DCDC1: variants seen among roughly 807,000 people sequenced by gnomAD.
DCDC1 encodes the protein doublecortin domain containing 1, also known as doublecortin domain-containing protein 1.
A neutral mutation model predicts 178.3 loss-of-function variants in DCDC1; 200 were observed. The observed-to-expected ratio is 1.12, with a 90% CI of 1.00 to 1.26. DCDC1 has a LOEUF of 1.26. Ranked by LOEUF, DCDC1 falls within the 50% of genes most tolerant of loss-of-function variation. The probability of loss-of-function intolerance (pLI) is 0.00; values close to 1 mark genes in which losing one functional copy is unlikely to be tolerated. For synonymous variants in DCDC1, 690 were observed against 604.8 expected (o/e 1.14, Z -2.07); for missense variants, 1,983 against 1,749.2 (o/e 1.13, Z -2.38).
At chr11:31,354,123 T>C (rs1482227054) in intron 1 of DCDC1, among the ~76,000 whole-genome samples, 1 of 152,026 alleles carries the variant, frequency 6.6e-6, no homozygotes, top group Non-Finnish European at 1.5e-5. Flanking sequence ...CTGTCTCTAC[T>C]AAAAATACAA....
chr11:31,348,299 G>C lies in DCDC1; in HGVS notation c.-124-12735C>G, dbSNP rs549346894. On this transcript the variant is annotated intron_variant, in intron 1 of 38. Coordinates refer to ENST00000684477, the MANE Select transcript of DCDC1 (RefSeq NM_001387274.1). ...GAGATGACACAGCAGAGAAAAGCAT[G>C]CATGTGGAAGAAAGACACAAGTGAA... Among the ~76,000 whole-genome samples, 319 of 152,260 alleles carry C rather than the reference G, an allele frequency of 2.1e-3. 2 individuals carry two copies. Among genetic ancestry groups the C allele is most frequent in the African/African-American group, 7.2e-3 (301 of 41,564 alleles).
chr11:31,106,859 A>G lies in DCDC1; in HGVS notation c.1689T>C (p.Ile563=), dbSNP rs371139820. The G allele has an allele frequency of 1.3e-6, 1 of 766,210 alleles. No individual in the cohort carries two copies. Among genetic ancestry groups the G allele is most frequent in the Non-Finnish European group, 2.4e-6 (1 of 417,822 alleles). The allele number at this position is 766,210 out of a possible 1,614,324, so 47.5% of individuals were successfully genotyped here. A position where few individuals can be genotyped will look rare whatever the true frequency, so the allele number is the denominator to read the frequency against. The change falls in exon 13 of 39, where the codon ATT becomes ATC. Residue 563 remains isoleucine, a synonymous_variant. Transcript: ENST00000684477. ...CATTCTTCAGCGAAAGTGGATTCTT[A>G]ATTTCTTGGCCATTCTCATCAAAAA... is the stretch of plus-strand genomic sequence containing the variant. ...MRLFDENGQE[I]KNPLSLKNEQ...
intron 1 of DCDC1, among the ~76,000 whole-genome samples, chr11:31,349,739 C>T (rs986479935): frequency 9.2e-5 from 14 of 152,060 alleles, no homozygotes; most frequent in Admixed American, 4.6e-4. Flanking sequence ...GTGGCTCACA[C>T]GTGTACCCCC....
intron 36 of DCDC1, among the ~76,000 whole-genome samples, chr11:30,886,236 T>C (rs1321065314): frequency 6.6e-6 from 1 of 152,198 alleles, no homozygotes; most frequent in Non-Finnish European, 1.5e-5. Context: ...CTAATTTTAA[T>C]ACAATGACTA....
At chr11:31,206,788 T>C (rs1040502591) in intron 9 of DCDC1, among the ~76,000 whole-genome samples, 1 of 152,168 alleles carries the variant, frequency 6.6e-6, no homozygotes, top group Non-Finnish European at 1.5e-5. Flanking sequence ...AAAAGATGAA[T>C]TCCCTATTTA....
chr11:30,994,534 T>TAC (rs1481790035), intron 20 of DCDC1, among the ~76,000 whole-genome samples: 1 of 148,312 alleles, frequency 6.7e-6, no homozygotes, highest in African/African-American at 2.5e-5. Context: ...TCAAGTTATA[T>TAC]ATATATATAT....
At chr11:30,943,880 C>T (rs1274041036) in intron 21 of DCDC1, 1 of 282,138 alleles carries the variant, frequency 3.5e-6, no homozygotes, top group Non-Finnish European at 7.0e-6. Flanking sequence ...CTGAGAGGTA[C>T]ATAGTTTTTA....
intron 11 of DCDC1, among the ~76,000 whole-genome samples, chr11:31,121,750 C>T (rs1960838648): frequency 6.6e-6 from 1 of 151,794 alleles, no homozygotes; most frequent in African/African-American, 2.4e-5. Context: ...TGAAGTTGAG[C>T]TGTGAGCTTA....
At chr11:30,958,276 C>G (rs1339648726) in intron 20 of DCDC1, among the ~76,000 whole-genome samples, 1 of 152,082 alleles carries the variant, frequency 6.6e-6, no homozygotes, top group Non-Finnish European at 1.5e-5. Flanking sequence ...GCTCGTGAAT[C>G]TTTATTTGTC....
intron 1 of DCDC1, among the ~76,000 whole-genome samples, chr11:31,362,280 T>C (rs1951746280): frequency 6.6e-6 from 1 of 152,072 alleles, no homozygotes; most frequent in Admixed American, 6.6e-5. Context: ...CTAAAAACAG[T>C]TAATTTAATA....
Position 31,290,775 on chromosome 11 carries a change from T to G in DCDC1, c.832A>C (p.Thr278Pro). The part of the protein sequence containing the change: ...MLPTDIKRRK[T>P]KPVLSIRMKK... ...ATTCTAATAGAAAGAACAGGCTTGG[T>G]TTTCCGTCTTTTGATATCAGTAGGA... Residue 278 changes from threonine to proline, a missense_variant, in exon 7 of 39, where the codon ACC (threonine) becomes CCC (proline). Coordinates refer to ENST00000684477, the MANE Select transcript of DCDC1 (RefSeq NM_001387274.1). 6.2e-7 allele frequency: 1 copy of G among 1,613,472 alleles called. No homozygotes were observed. The highest frequency in any genetic ancestry group is 8.5e-7 in the Non-Finnish European group (1 of 1,179,570).
At chr11:30,927,690 ATTCTAAAATG>A (rs1946672422) in intron 22 of DCDC1, among the ~76,000 whole-genome samples, 1 of 152,204 alleles carries the variant, frequency 6.6e-6, no homozygotes, top group Non-Finnish European at 1.5e-5. Flanking sequence ...TGTATCTATT[ATTCTAAAATG>A]GAACTTATTA....
chr11:31,315,464 G>A (rs188387879), intron 3 of DCDC1, among the ~76,000 whole-genome samples: 155 of 151,388 alleles, frequency 1.0e-3, no homozygotes, highest in African/African-American at 3.7e-3. Context: ...AGCCTCCCGA[G>A]TAGCTGAGAC....
At chr11:30,919,870 A>C (rs1479833843) in intron 25 of DCDC1, among the ~76,000 whole-genome samples, 1 of 152,240 alleles carries the variant, frequency 6.6e-6, no homozygotes, top group East Asian at 1.9e-4. Flanking sequence ...TTTATTCAGT[A>C]AATGATAATT....
chr11:31,255,179 A>C (rs1944329753), intron 8 of DCDC1, among the ~76,000 whole-genome samples: 1 of 152,178 alleles, frequency 6.6e-6, no homozygotes. Flanking sequence ...ATTTGTTCCT[A>C]CAGTTGCAGG....
chr11:31,046,724 G>A (rs1011699733), intron 20 of DCDC1, among the ~76,000 whole-genome samples: 3 of 151,536 alleles, frequency 2.0e-5, no homozygotes, highest in Non-Finnish European at 4.4e-5. Context: ...ACCTCGTGAT[G>A]AGAGCTTTCT....
chr11:30,957,295 CTG>C (rs1465918327), intron 20 of DCDC1, among the ~76,000 whole-genome samples: 1 of 152,160 alleles, frequency 6.6e-6, no homozygotes, highest in East Asian at 1.9e-4. Context: ...TGCCTTATTT[CTG>C]TGTGTCCCTT....
chr11:31,343,920 AAAATAAATAAAT>A (rs57107732), intron 1 of DCDC1, among the ~76,000 whole-genome samples: 17 of 149,398 alleles, frequency 1.1e-4, no homozygotes, highest in South Asian at 2.1e-4. Flanking sequence ...ACTCCATCTC[AAAATAAATAAAT>A]AAATAAATAA....
At chr11:31,131,399 C>T (rs922987322) in intron 10 of DCDC1, among the ~76,000 whole-genome samples, 7 of 152,046 alleles carry the variant, frequency 4.6e-5, no homozygotes, top group Non-Finnish European at 1.0e-4. Context: ...AATGAATTTC[C>T]ATGCTTTCCA....
Sources: allele counts gnomAD v4.1 joint callset (sites outside exome capture counted in the v4.1 genomes callset), GRCh38; gene constraint gnomAD v4.1.1; transcripts MANE v1.5; gene names NCBI Gene and HGNC (gene_info 2026-07-23, HGNC 2026-07-21).